TXNL1: variants seen among roughly 807,000 people sequenced by gnomAD.
TXNL1 encodes thioredoxin-like protein 1.
A neutral mutation model predicts 35.5 loss-of-function variants in TXNL1; 14 were observed. The ratio of observed to expected loss-of-function variants is 0.39; its 90% confidence interval spans 0.26 to 0.62. The LOEUF is 0.62. Ranked by LOEUF, TXNL1 falls within the 20% of genes least tolerant of loss-of-function variation. The pLI is 0.47. For synonymous variants in TXNL1, 110 were observed against 115.5 expected (o/e 0.95, Z 0.31); for missense variants, 263 against 349.7 (o/e 0.75, Z 1.98).
chr18:56,628,192 T>G (rs987147872), intron 1 of TXNL1, among the ~76,000 whole-genome samples: 5 of 152,084 alleles, frequency 3.3e-5, no homozygotes, highest in Admixed American at 2.6e-4. Context: ...TAAAACCAAC[T>G]CAGCAAAAAT....
intron 3 of TXNL1, among the ~76,000 whole-genome samples, chr18:56,618,335 A>G (rs1370003346): frequency 6.6e-6 from 1 of 152,220 alleles, no homozygotes. Flanking sequence ...AGCCTACTTG[A>G]TAAGGTATCA....
In TXNL1 at chr18:56,632,131, T is replaced by A. The variant is rs77028674; in HGVS notation, c.99-5674A>T. On this transcript the variant is annotated intron_variant, in intron 1 of 7. Transcript: ENST00000217515. The stretch of plus-strand genomic sequence containing the variant: ...TGAAAGAGCATTAGCTTCTTTTTAA[T>A]ACACTTTTTACTACAGTCATAATAT... Among the ~76,000 whole-genome samples, 422 of 152,274 alleles carry A rather than the reference T, an allele frequency of 2.8e-3. 6 individuals are homozygous for A. In the East Asian group the frequency reaches 0.037, roughly 13 times the overall value.
At chr18:56,626,098 A>G in intron 2 of TXNL1, 2 of 890,830 alleles carry the variant, frequency 2.2e-6, no homozygotes, top group Non-Finnish European at 2.9e-6. Context: ...TAATACACAG[A>G]ACTGCTAGGT....
rs749755123 is a variant in TXNL1, at chr18:56,614,495, C to T, written c.664G>A (p.Glu222Lys). ...ATGCCATCTTCTTTAATATCATCCT[C>T]TGTCAGTTCCAGAGCTTGAGTTGGT... ...SEPTQALELT[E>K]DDIKEDGIVP... The change falls in exon 6 of 8, where the codon GAG becomes AAG. Residue 222 changes from glutamate (E) to lysine (K), a missense_variant. Transcript: ENST00000217515. 6.2e-7 allele frequency: 1 copy of T among 1,614,002 alleles called. No homozygotes were observed. Among genetic ancestry groups the T allele is most frequent in the Non-Finnish European group, 8.5e-7 (1 of 1,179,946 alleles).
chr18:56,619,464 G>C (rs1452800070), intron 3 of TXNL1, among the ~76,000 whole-genome samples: 1 of 147,450 alleles, frequency 6.8e-6, no homozygotes, highest in African/African-American at 2.5e-5. Flanking sequence ...CTTGAACCTG[G>C]GAGGCGGAGG....
chr18:56,611,392 C>A (rs2023988404), intron 6 of TXNL1, among the ~76,000 whole-genome samples: 2 of 151,524 alleles, frequency 1.3e-5, no homozygotes, highest in South Asian at 4.2e-4. Flanking sequence ...ATCCTAGCTA[C>A]TCGGGAGGCT....
chr18:56,621,526 G>T (rs1788281), intron 3 of TXNL1, among the ~76,000 whole-genome samples: 14,779 of 152,186 alleles, frequency 0.097, 863 homozygotes, highest in Non-Finnish European at 0.13. Context: ...GTGCATTAAA[G>T]TATTTTGTTA....
Position 56,638,329 on chromosome 18 carries a change from G to A in TXNL1, c.98+14C>T, listed in dbSNP as rs747158936. On this transcript the variant is annotated intron_variant, in intron 1 of 7. Transcript: ENST00000217515. ...GGACAGACGGGGACCCACAGAGCTC[G>A]AGCCTGGCCTCACCCTCTCATGGTG... 3.1e-6 allele frequency: 5 copies of A among 1,603,660 alleles called. No homozygotes were observed. Among genetic ancestry groups the A allele is most frequent in the South Asian group, 2.2e-5 (2 of 90,036 alleles).
chr18:56,623,978 G>GA (rs1320175498), intron 3 of TXNL1, among the ~76,000 whole-genome samples: 16 of 151,174 alleles, frequency 1.1e-4, no homozygotes, highest in African/African-American at 1.9e-4. Context: ...ACATTTTCTG[G>GA]AAAAAAAAGT....
chr18:56,637,152 A>C (rs1421371187), intron 1 of TXNL1, among the ~76,000 whole-genome samples: 2 of 152,204 alleles, frequency 1.3e-5, no homozygotes, highest in African/African-American at 2.4e-5. Context: ...AATAAGTCTT[A>C]ACTTGTTTTC....
chr18:56,637,248 A>C (rs1035992810), intron 1 of TXNL1, among the ~76,000 whole-genome samples: 1 of 152,176 alleles, frequency 6.6e-6, no homozygotes, highest in Non-Finnish European at 1.5e-5. Flanking sequence ...ATCTAGTAGA[A>C]ACTTTGTTTT....
chr18:56,636,461 A>G (rs2024456613), intron 1 of TXNL1, among the ~76,000 whole-genome samples: 1 of 152,222 alleles, frequency 6.6e-6, no homozygotes, highest in Admixed American at 6.5e-5. Context: ...AGTTCGAGGA[A>G]TATTAAAGGT....
intron 3 of TXNL1, among the ~76,000 whole-genome samples, chr18:56,621,135 T>A (rs2024174971): frequency 6.6e-6 from 1 of 152,016 alleles, no homozygotes; most frequent in South Asian, 2.1e-4. Context: ...AAAAATAAAC[T>A]AAGTGGGTAA....
At chr18:56,619,101 C>T (rs2024137485) in intron 3 of TXNL1, among the ~76,000 whole-genome samples, 1 of 149,580 alleles carries the variant, frequency 6.7e-6, no homozygotes, top group East Asian at 2.0e-4. Context: ...TTAGTCCCAG[C>T]TAATTGGGAG....
chr18:56,630,555 T>C (rs2024354745), intron 1 of TXNL1, among the ~76,000 whole-genome samples: 1 of 152,242 alleles, frequency 6.6e-6, no homozygotes, highest in South Asian at 2.1e-4. Flanking sequence ...TTTATTTCTA[T>C]TTTTCACTAC....
chr18:56,625,665 C>T (rs1214637747), intron 2 of TXNL1, among the ~76,000 whole-genome samples: 1 of 152,212 alleles, frequency 6.6e-6, no homozygotes, highest in Admixed American at 6.5e-5. Flanking sequence ...TTCAACAAAC[C>T]CCCAAAGTAA....
At chr18:56,637,291 T>C (rs572234976) in intron 1 of TXNL1, among the ~76,000 whole-genome samples, 2 of 152,320 alleles carry the variant, frequency 1.3e-5, no homozygotes, top group African/African-American at 4.8e-5. Context: ...ATTTTGTGTT[T>C]ATACAGTTAT....
chr18:56,630,619 T>C (rs1453659097), intron 1 of TXNL1, among the ~76,000 whole-genome samples: 1 of 152,180 alleles, frequency 6.6e-6, no homozygotes, highest in Non-Finnish European at 1.5e-5. Context: ...TTGACATCTC[T>C]CTATTCATCA....
intron 6 of TXNL1, among the ~76,000 whole-genome samples, chr18:56,614,000 C>CA (rs1198973740): frequency 7.4e-5 from 11 of 149,106 alleles, no homozygotes; most frequent in East Asian, 5.8e-4. Context: ...GACTCCATCT[C>CA]AAAAAAAAAT....
Sources: gnomAD v4.1 joint callset for allele counts (sites outside exome capture counted in the v4.1 genomes callset) on GRCh38, gnomAD v4.1.1 for gene constraint, MANE v1.5 for transcripts, NCBI Gene and HGNC (gene_info 2026-07-23, HGNC 2026-07-21) for gene names.